FHOD3: variants seen among roughly 807,000 people sequenced by gnomAD.
The protein encoded by FHOD3 is FH1/FH2 domain-containing protein 3.
FHOD3 carries 90 observed loss-of-function variants against 173.0 expected under a neutral mutation model. That is an observed-to-expected ratio of 0.52 (90% confidence interval 0.44 to 0.62). The LOEUF is 0.62. Among genes scored for constraint, FHOD3 ranks in the 20% least tolerant of loss-of-function variants. The probability of loss-of-function intolerance (pLI) is 0.00; values close to 1 mark genes in which losing one functional copy is unlikely to be tolerated. For missense variants in FHOD3, 1,945 were observed against 2,034.7 expected, an observed-to-expected ratio of 0.96 and a Z score of 0.85; for synonymous variants, 828 against 823.0, an observed-to-expected ratio of 1.01 and a Z score of -0.10.
rs10599463 is a variant in FHOD3 at position 36,686,638 on chromosome 18, TAAAA to T, written c.1971-477_1971-474del. 3.5e-3 allele frequency among the ~76,000 whole-genome samples: 516 copies of T among 147,582 alleles called. 1 individual carries two copies. Among genetic ancestry groups the T allele is most frequent in the East Asian group, 0.03 (152 of 4,992 alleles). On this transcript the variant is annotated intron_variant, in intron 15 of 28. Coordinates refer to ENST00000590592, the MANE Select transcript of FHOD3 (RefSeq NM_001281740.3). ...GCACACCCCTCATGTATCCTGGAAA[TAAAA>T]AAAAAAAAAAAATCCTGGGTTGTGG...
intron 14 of FHOD3, among the ~76,000 whole-genome samples, chr18:36,671,151 GTC>G (rs745682123): frequency 6.6e-6 from 1 of 152,040 alleles, no homozygotes; most frequent in African/African-American, 2.4e-5. Flanking sequence ...ATGTACAGAG[GTC>G]TCTCTCTCTC....
chr18:36,315,521 T>A (rs2144788285), intron 1 of FHOD3, among the ~76,000 whole-genome samples: 1 of 151,954 alleles, frequency 6.6e-6, no homozygotes, highest in Non-Finnish European at 1.5e-5. Flanking sequence ...GGGGGGCTCC[T>A]GCAGAGGGCA....
At chr18:36,402,206 TGAAGCTCCAGGAGTGAG>T (rs1371565752) in intron 3 of FHOD3, among the ~76,000 whole-genome samples, 2 of 152,106 alleles carry the variant, frequency 1.3e-5, no homozygotes, top group African/African-American at 4.8e-5. Context: ...GAAAAAGTGA[TGAAGCTCCAGGAGTGAG>T]GAAGGCTGAT....
In FHOD3 at chr18:36,658,160, T is replaced by C. The variant is rs144428734; in HGVS notation, c.1807T>C (p.Ser603Pro). ...SVPTTPTSSVSPPQEARLERS... is the reference protein window; with the variant it reads ...SVPTTPTSSVPPPQEARLERS... ...GCCCACCACCCCCACATCATCCGTCTCACCCCCACAGGAGGCCAGGTTGGA... is the reference window on the plus strand; with the variant it reads ...GCCCACCACCCCCACATCATCCGTCCCACCCCCACAGGAGGCCAGGTTGGA... Residue 603 changes from serine (S) to proline (P), a missense_variant, in exon 14 of 29, where the codon TCA becomes CCA. Coordinates refer to ENST00000590592, the MANE Select transcript of FHOD3 (RefSeq NM_001281740.3). 442 of 1,588,904 alleles carry C rather than the reference T, an allele frequency of 2.8e-4. No individual in the cohort carries two copies. Among genetic ancestry groups the C allele is most frequent in the Non-Finnish European group, 3.5e-4 (404 of 1,170,362 alleles).
chr18:36,414,470 G>A (rs1383617385), intron 3 of FHOD3, among the ~76,000 whole-genome samples: 1 of 152,176 alleles, frequency 6.6e-6, no homozygotes, highest in Non-Finnish European at 1.5e-5. Context: ...GTGAGTTCCA[G>A]AGCCAAAGGT....
At chr18:36,697,569 C>T (rs1203157031) in intron 17 of FHOD3, among the ~76,000 whole-genome samples, 1 of 152,168 alleles carries the variant, frequency 6.6e-6, no homozygotes, top group Admixed American at 6.5e-5. Flanking sequence ...ATACGTTTGA[C>T]AGTGATTTTT....
chr18:36,548,281 G>A (rs1049848154), intron 5 of FHOD3, among the ~76,000 whole-genome samples: 9 of 152,154 alleles, frequency 5.9e-5, no homozygotes, highest in Non-Finnish European at 1.0e-4. Flanking sequence ...TTAGCTCTGG[G>A]AGTGCAAAGA....
rs563175670 is a variant in FHOD3, at chr18:36,647,792, T to G, written c.1197-1524T>G. ...TAACTATGTCAATGAATCCCACAGCTGTAATGTTGAACAAAAGCTAGGCAG... is the reference window on the plus strand; with the variant it reads ...TAACTATGTCAATGAATCCCACAGCGGTAATGTTGAACAAAAGCTAGGCAG... On this transcript the variant is annotated intron_variant, in intron 10 of 28. Transcript: ENST00000590592. Among the ~76,000 whole-genome samples the G allele has an allele frequency of 5.3e-5, 8 of 152,306 alleles. No homozygotes were observed. In the South Asian group the frequency reaches 1.7e-3, roughly 32 times the overall value.
intron 8 of FHOD3, among the ~76,000 whole-genome samples, chr18:36,607,367 C>G (rs1471499464): frequency 6.6e-6 from 1 of 152,182 alleles, no homozygotes; most frequent in Admixed American, 6.5e-5. Flanking sequence ...GGAGCAGGAT[C>G]CTGAGTGGCC....
intron 5 of FHOD3, among the ~76,000 whole-genome samples, chr18:36,532,356 C>T (rs2056820745): frequency 2.0e-5 from 3 of 152,158 alleles, no homozygotes; most frequent in African/African-American, 7.2e-5. Flanking sequence ...CTGGCCACTT[C>T]CCTCAAGTCT....
chr18:36,518,004 G>A (rs1273333005), intron 5 of FHOD3, among the ~76,000 whole-genome samples: 1 of 152,166 alleles, frequency 6.6e-6, no homozygotes, highest in Non-Finnish European at 1.5e-5. Flanking sequence ...ATCATGGAAA[G>A]AGATTTTATG....
intron 1 of FHOD3, among the ~76,000 whole-genome samples, chr18:36,327,541 TAAAG>T (rs987573243): frequency 6.6e-6 from 1 of 152,222 alleles, no homozygotes; most frequent in Non-Finnish European, 1.5e-5. Flanking sequence ...ACTTCACTGA[TAAAG>T]AAGAAGAGCA....
intron 18 of FHOD3, among the ~76,000 whole-genome samples, chr18:36,716,975 A>C (rs2040495652): frequency 1.3e-5 from 2 of 148,570 alleles, no homozygotes; most frequent in Non-Finnish European, 3.0e-5. Flanking sequence ...TGCCAGAAGG[A>C]AGACTCTAGT....
At position 36,718,196 on chromosome 18, in the gene FHOD3, A is replaced by G. The variant is rs758654529; in HGVS notation, c.2898A>G (p.Glu966=). 1.2e-6 allele frequency: 2 copies of G among 1,613,924 alleles called. No individual in the cohort carries two copies. Among genetic ancestry groups the G allele is most frequent in the Admixed American group, 3.3e-5 (2 of 60,008 alleles). ...CTGAGCCCAATGACAAGGTCCCAGA[A>G]ACAGCGCCGGTGCAGCCGAAGACAG... ...PDAEPNDKVP[E]TAPVQPKTES... is the part of the protein sequence containing the mutation. The change falls in exon 19 of 29, where the codon GAA becomes GAG. Residue 966 remains glutamate, a synonymous_variant. Coordinates refer to ENST00000590592, the MANE Select transcript of FHOD3 (RefSeq NM_001281740.3).
chr18:36,506,929 T>G (rs1252337421), intron 4 of FHOD3, among the ~76,000 whole-genome samples: 2 of 152,190 alleles, frequency 1.3e-5, no homozygotes, highest in Non-Finnish European at 2.9e-5. Context: ...CAACTACTTT[T>G]GATGTTTATT....
chr18:36,322,115 G>A (rs2044429294), intron 1 of FHOD3, among the ~76,000 whole-genome samples: 1 of 152,218 alleles, frequency 6.6e-6, no homozygotes, highest in South Asian at 2.1e-4. Flanking sequence ...CCACTGAGGT[G>A]GAGGGTGGGT....
At chr18:36,392,639 G>C (rs1033018936) in intron 3 of FHOD3, among the ~76,000 whole-genome samples, 1 of 150,110 alleles carries the variant, frequency 6.7e-6, no homozygotes, top group Non-Finnish European at 1.5e-5. Context: ...TGTGTAGAGT[G>C]AGGACAGGAC....
At position 36,709,103 on chromosome 18, in the gene FHOD3, G is replaced by T. The variant is rs746145023; in HGVS notation, c.2245G>T (p.Gly749Trp). ...ATTGTTGTCTCCACCAGCAAGTGCC[G>T]GGGATCCTGAACCCGAATCAGAGGC... ...GTPHHPQASA[G>W]DPEPESEAEP... The change falls in exon 18 of 29, where the codon GGG becomes TGG. Residue 749 changes from glycine (G) to tryptophan (W), a missense_variant. Gly to Trp is a radical substitution (Grantham distance 184). This residue lies in a region of FHOD3 where 1,099 missense variants were observed against 1,051.2 expected (regional missense o/e 1.05). Transcript: ENST00000590592. 1 of 1,611,924 alleles carries T rather than the reference G, an allele frequency of 6.2e-7. No homozygotes were observed. The highest frequency in any genetic ancestry group is 1.7e-5 in the Admixed American group (1 of 59,970).
chr18:36,678,582 T>C (rs919900521), intron 14 of FHOD3, among the ~76,000 whole-genome samples: 1 of 149,472 alleles, frequency 6.7e-6, no homozygotes, highest in African/African-American at 2.4e-5. Flanking sequence ...AAAAGATACT[T>C]ACTCTAGTTT....
Sources: gnomAD v4.1 joint callset for allele counts (sites outside exome capture counted in the v4.1 genomes callset) on GRCh38, gnomAD v4.1.1 for gene constraint, gnomAD v4.1.1 regional missense constraint, MANE v1.5 for transcripts, NCBI Gene and HGNC (gene_info 2026-07-23, HGNC 2026-07-21) for gene names.